The following PCDHGA8 variants were observed in gnomAD, a reference collection of about 807,000 sequenced individuals.
PCDHGA8 encodes the protein protocadherin gamma subfamily A, 8.
In PCDHGA8, 45 loss-of-function variants were observed where a neutral mutation model predicts 59.2. The observed-to-expected ratio is 0.76, with a 90% CI of 0.60 to 0.98. The LOEUF (loss-of-function observed/expected upper bound fraction) is 0.98. Among genes scored for constraint, PCDHGA8 ranks in the 50% least tolerant of loss-of-function variants. PCDHGA8 has a pLI of 0.00. For missense variants in PCDHGA8, 1,257 were observed against 1,196.2 expected (o/e 1.05, Z -0.75); for synonymous variants, 531 against 519.0 (o/e 1.02, Z -0.32).
At chr5:141,400,789 CTT>C in intron 1 of PCDHGA8, 1 of 561,962 alleles carries the variant, frequency 1.8e-6, no homozygotes, top group Non-Finnish European at 3.1e-6. Flanking sequence ...TTTTTGTCCT[CTT>C]TCTCAAAGCT....
Position 141,431,740 on chromosome 5 carries a change from T to C in PCDHGA8, c.2424+36503T>C. 6.2e-7 allele frequency: 1 copy of C among 1,614,230 alleles called. No individual in the cohort carries two copies. Among genetic ancestry groups the C allele is most frequent in the South Asian group, 1.1e-5 (1 of 91,088 alleles). On this transcript the variant is annotated intron_variant, in intron 1 of 3. Transcript: ENST00000398604. This position sits in a 1 kb window ranked among gnomAD's most constrained non-coding sequence, Gnocchi z 4.8. ...TGCAAGCAATGGATAATGCAGGATA[T>C]TCTGCGCGAGCCAAAGTCCTGATCA... is the stretch of plus-strand genomic sequence containing the variant.
intron 2 of PCDHGA8, among the ~76,000 whole-genome samples, chr5:141,502,564 C>T (rs2099815067): frequency 1.3e-5 from 2 of 151,774 alleles, no homozygotes; most frequent in East Asian, 1.9e-4. Context: ...CCAGATCTCT[C>T]CATTATAAAA....
Position 141,432,811 on chromosome 5 carries a change from T to G in PCDHGA8, c.2424+37574T>G. Reference sequence around the variant, plus strand: ...GCAGCCTCGAGTCTCCAGCTAACTCTGAAACCTCAGACCTCACTCTGTACC... The same window carrying G: ...GCAGCCTCGAGTCTCCAGCTAACTCGGAAACCTCAGACCTCACTCTGTACC... On this transcript the variant is annotated intron_variant, in intron 1 of 3. Transcript: ENST00000398604. The surrounding 1 kb of genome is among the most constrained non-coding windows in gnomAD (Gnocchi z 6.0). 1 of 1,614,126 alleles carries G rather than the reference T, an allele frequency of 6.2e-7. No homozygotes were observed. Among genetic ancestry groups the G allele is most frequent in the Non-Finnish European group, 8.5e-7 (1 of 1,179,988 alleles).
In PCDHGA8 at chr5:141,427,684, C is replaced by T. The variant is rs765112627; in HGVS notation, c.2424+32447C>T. 3.6e-6 allele frequency: 3 copies of T among 841,720 alleles called. No individual in the cohort carries two copies. In the Admixed American group the frequency reaches 5.8e-5, roughly 16 times the overall value. 52.1% of individuals were successfully genotyped at this position (841,720 alleles called of 1,614,324 possible). A position where few individuals can be genotyped will look rare whatever the true frequency, so the allele number is the denominator to read the frequency against. On this transcript the variant is annotated intron_variant, in intron 1 of 3. Transcript: ENST00000398604. The stretch of plus-strand genomic sequence containing the variant: ...GTGGCCGAAAACAACCTTCCCGGAG[C>T]CTCCATCCCACAAGTCAGCGCCTCT...
intron 1 of PCDHGA8, among the ~76,000 whole-genome samples, chr5:141,447,339 A>T (rs767342137): frequency 6.6e-6 from 1 of 151,770 alleles, no homozygotes; most frequent in Non-Finnish European, 1.5e-5. Flanking sequence ...GGGTTTCATC[A>T]TATTGGTCAG....
chr5:141,394,910 C>T lies in PCDHGA8; in HGVS notation c.2097C>T (p.Ala699=). 1 of 1,613,766 alleles carries T rather than the reference C, an allele frequency of 6.2e-7. No individual in the cohort carries two copies. ...LTLYLVVAVA[A]ISCVFLAFVA... ...TCTATCTCGTGGTGGCAGTGGCTGC[C>T]ATCTCCTGTGTCTTCCTCGCCTTTG... Residue 699 remains alanine (A), a synonymous_variant, in exon 1 of 4, where the codon GCC becomes GCT. Coordinates refer to ENST00000398604, the MANE Select transcript of PCDHGA8 (RefSeq NM_032088.2).
Position 141,491,057 on chromosome 5 carries a change from CCTA to C in PCDHGA8, c.2425-3747_2425-3745del. On this transcript the variant is annotated intron_variant, in intron 1 of 3. Coordinates refer to ENST00000398604, the MANE Select transcript of PCDHGA8 (RefSeq NM_032088.2). The surrounding 1 kb of genome is among the most constrained non-coding windows in gnomAD (Gnocchi z 6.9). ...GATGCAGGCCACAATGCGTGGCTCTCCTACTCACTGTTGCCACAGTCCACAGCC... is the reference window on the plus strand; with the variant it reads ...GATGCAGGCCACAATGCGTGGCTCTCCTCACTGTTGCCACAGTCCACAGCC... 6.2e-7 allele frequency: 1 copy of C among 1,614,208 alleles called. No homozygotes were observed. The highest frequency in any genetic ancestry group is 8.5e-7 in the Non-Finnish European group (1 of 1,180,022).
intron 1 of PCDHGA8, chr5:141,403,102 G>A (rs765706858): frequency 9.3e-6 from 15 of 1,613,928 alleles, no homozygotes; most frequent in Non-Finnish European, 1.3e-5. Flanking sequence ...ACATCTCCAA[G>A]GACCTGGCTC....
intron 1 of PCDHGA8, chr5:141,410,413 TG>T: frequency 6.2e-7 from 1 of 1,614,056 alleles, no homozygotes; most frequent in Non-Finnish European, 8.5e-7. Flanking sequence ...AGTCTGGACC[TG>T]TAGTTCCCCC....
Position 141,431,479 on chromosome 5 carries a change from A to T in PCDHGA8, c.2424+36242A>T. 1 of 1,613,892 alleles carries T rather than the reference A, an allele frequency of 6.2e-7. No individual in the cohort carries two copies. Among genetic ancestry groups the T allele is most frequent in the South Asian group, 1.1e-5 (1 of 91,092 alleles). On this transcript the variant is annotated intron_variant, in intron 1 of 3. Transcript: ENST00000398604. This position sits in a 1 kb window ranked among gnomAD's most constrained non-coding sequence, Gnocchi z 4.8. ...TTCTGGATGCGAACGACAACGCACC[A>T]GCGTTTGCTCAGCCCGAGTACCGCG...
At chr5:141,416,186 T>G (rs904230611) in intron 1 of PCDHGA8, 2 of 152,474 alleles carry the variant, frequency 1.3e-5, no homozygotes, top group African/African-American at 4.8e-5. Flanking sequence ...TTCATTAATA[T>G]TGAATTAACA....
intron 1 of PCDHGA8, chr5:141,478,197 T>G (rs2099437910): frequency 6.2e-7 from 1 of 1,613,956 alleles, no homozygotes; most frequent in Admixed American, 1.7e-5. Context: ...ACCTTTTATC[T>G]ACTTCTTTCT....
At position 141,430,558 on chromosome 5, in the gene PCDHGA8, G is replaced by A. The variant is rs1472516429; in HGVS notation, c.2424+35321G>A. 2.2e-5 allele frequency: 9 copies of A among 417,488 alleles called. No homozygotes were observed. In the East Asian group the frequency reaches 3.3e-4, roughly 15 times the overall value. The allele number at this position is 417,488 out of a possible 1,614,324, so 25.9% of individuals were successfully genotyped here. On this transcript the variant is annotated intron_variant, in intron 1 of 3. Transcript: ENST00000398604. ...TCTGAGCGCCGCTGTTCACCAATCGGGGAGAGAAAAGCGGAGATCCTGCTC... is the reference window on the plus strand; with the variant it reads ...TCTGAGCGCCGCTGTTCACCAATCGAGGAGAGAAAAGCGGAGATCCTGCTC...
In PCDHGA8 at chr5:141,489,399, C is replaced by A. The variant is rs2099686689; in HGVS notation, c.2425-5408C>A. On this transcript the variant is annotated intron_variant, in intron 1 of 3. Coordinates refer to ENST00000398604, the MANE Select transcript of PCDHGA8 (RefSeq NM_032088.2). The surrounding 1 kb of genome is among the most constrained non-coding windows in gnomAD (Gnocchi z 4.5). ...TGGGGAATGTTGCTCAGGATCTGGGCTTAAAGATGACAGATCTGTTGAGCC... is the reference window on the plus strand; with the variant it reads ...TGGGGAATGTTGCTCAGGATCTGGGATTAAAGATGACAGATCTGTTGAGCC... 1 of 1,614,024 alleles carries A rather than the reference C, an allele frequency of 6.2e-7. No homozygotes were observed. Among genetic ancestry groups the A allele is most frequent in the African/African-American group, 1.3e-5 (1 of 74,910 alleles).
chr5:141,464,676 T>C (rs1337677151), intron 1 of PCDHGA8, among the ~76,000 whole-genome samples: 3 of 152,176 alleles, frequency 2.0e-5, no homozygotes, highest in Non-Finnish European at 2.9e-5. Context: ...ATAATTTTAA[T>C]TAAAATTTCT....
chr5:141,393,169 T>C lies in PCDHGA8; in HGVS notation c.356T>C (p.Val119Ala), dbSNP rs113280752. 2,582 of 1,613,090 alleles carry C rather than the reference T, an allele frequency of 1.6e-3. 1 individual carries two copies. The highest frequency in any genetic ancestry group is 1.9e-3 in the Non-Finnish European group (2,191 of 1,179,870). Residue 119 changes from valine (V) to alanine (A), a missense_variant, in exon 1 of 4, where the codon GTA becomes GCA. Val to Ala is a moderately conservative substitution (Grantham distance 64, BLOSUM62 0). Coordinates refer to ENST00000398604, the MANE Select transcript of PCDHGA8 (RefSeq NM_032088.2). ...GAGGATAAAGGAAAACTCTTTGGGGTAGAAATAGAAATAATTGATATTAAC... is the reference window on the plus strand; with the variant it reads ...GAGGATAAAGGAAAACTCTTTGGGGCAGAAATAGAAATAATTGATATTAAC... The part of the protein sequence containing the change: ...LVEDKGKLFG[V>A]EIEIIDINDN...
In PCDHGA8 at chr5:141,491,856, C is replaced by A. The variant is rs754113958; in HGVS notation, c.2425-2951C>A. On this transcript the variant is annotated intron_variant, in intron 1 of 3. Coordinates refer to ENST00000398604, the MANE Select transcript of PCDHGA8 (RefSeq NM_032088.2). This position sits in a 1 kb window ranked among gnomAD's most constrained non-coding sequence, Gnocchi z 6.9. ...TCTCGGGATCATTGGACCGTTTGCG[C>A]GAAACCAGAGTGGCCGATTAAGGGA... 6.9e-7 allele frequency: 1 copy of A among 1,458,728 alleles called. No individual in the cohort carries two copies. The highest frequency in any genetic ancestry group is 9.1e-7 in the Non-Finnish European group (1 of 1,103,072). The allele number at this position is 1,458,728 out of a possible 1,614,324, so 90.4% of individuals were successfully genotyped here. A position where few individuals can be genotyped will look rare whatever the true frequency, so the allele number is the denominator to read the frequency against.
intron 1 of PCDHGA8, among the ~76,000 whole-genome samples, chr5:141,469,311 T>C (rs970450899): frequency 3.3e-5 from 5 of 152,040 alleles, no homozygotes; most frequent in Admixed American, 3.3e-4. Context: ...GCACGATGGC[T>C]CACGCCTGTA....
rs2154586601 is a variant in PCDHGA8, at chr5:141,491,555, A to G, written c.2425-3252A>G. The G allele has an allele frequency of 6.2e-7, 1 of 1,613,986 alleles. No homozygotes were observed. The highest frequency in any genetic ancestry group is 2.2e-5 in the East Asian group (1 of 44,862). ...CTGCGGCCCACAGACTCGCAGAGCC[A>G]CTGCTACAGGACGTGCTTTTCACCG... On this transcript the variant is annotated intron_variant, in intron 1 of 3. Transcript: ENST00000398604. This position sits in a 1 kb window ranked among gnomAD's most constrained non-coding sequence, Gnocchi z 6.9.
Sources: allele counts gnomAD v4.1 joint callset (sites outside exome capture counted in the v4.1 genomes callset), GRCh38; gene constraint gnomAD v4.1.1; non-coding constraint Gnocchi (gnomAD v3.1); transcripts MANE v1.5; gene names NCBI Gene and HGNC (gene_info 2026-07-23, HGNC 2026-07-21).